WDPCP: variants seen among roughly 807,000 people sequenced by gnomAD.
The protein encoded by WDPCP is WD repeat containing planar cell polarity effector, also known as WD repeat-containing and planar cell polarity effector protein fritz homolog.
Under a neutral mutation model 93.1 loss-of-function variants are expected in WDPCP, and 71 were observed. The observed-to-expected ratio is 0.76, with a 90% CI of 0.63 to 0.93. The LOEUF is 0.93. WDPCP is among the 40% of genes least tolerant of loss of function. The pLI is 0.00. For missense variants in WDPCP, 844 were observed against 887.4 expected (o/e 0.95, Z 0.62); for synonymous variants, 315 against 315.0 (o/e 1.00, Z 0.00).
At chr2:63,190,278 C>T (rs937547906) in intron 14 of WDPCP, among the ~76,000 whole-genome samples, 16 of 151,538 alleles carry the variant, frequency 1.1e-4, no homozygotes, top group Admixed American at 1.1e-3. Context: ...AAAAGAAATA[C>T]AAAAACTAGC....
intron 17 of WDPCP, among the ~76,000 whole-genome samples, chr2:63,137,718 A>G (rs1306298358): frequency 1.3e-5 from 2 of 152,020 alleles, no homozygotes; most frequent in African/African-American, 2.4e-5. Flanking sequence ...ATCCATCTCG[A>G]GTTAATTTTT....
intron 3 of WDPCP, among the ~76,000 whole-genome samples, chr2:63,613,196 A>C (rs1709632786): frequency 6.6e-6 from 1 of 152,242 alleles, no homozygotes; most frequent in South Asian, 2.1e-4. Flanking sequence ...TAAGGGGGGA[A>C]AATCCCAAGA....
chr2:63,819,230 A>C (rs548888272), intron 1 of WDPCP, among the ~76,000 whole-genome samples: 10 of 152,318 alleles, frequency 6.6e-5, no homozygotes, highest in African/African-American at 2.4e-4. Flanking sequence ...TCTAAGCCTC[A>C]ATTTTTATCA....
At chr2:63,515,125 A>G (rs1702471074) in intron 1 of WDPCP, among the ~76,000 whole-genome samples, 1 of 152,178 alleles carries the variant, frequency 6.6e-6, no homozygotes, top group African/African-American at 2.4e-5. Context: ...ATTAGATGAT[A>G]TACATATTTT....
At chr2:63,477,307 T>C (rs942966430) in intron 6 of WDPCP, among the ~76,000 whole-genome samples, 1 of 152,124 alleles carries the variant, frequency 6.6e-6, no homozygotes, top group African/African-American at 2.4e-5. Context: ...TTAAACACTT[T>C]TAGTGAAATG....
intron 13 of WDPCP, among the ~76,000 whole-genome samples, chr2:63,295,381 G>T (rs936993102): frequency 6.6e-6 from 1 of 151,896 alleles, no homozygotes; most frequent in Non-Finnish European, 1.5e-5. Flanking sequence ...TCAACTATAC[G>T]CTGTAAGAGA....
intron 14 of WDPCP, among the ~76,000 whole-genome samples, chr2:63,228,210 T>C (rs1678455144): frequency 6.6e-6 from 1 of 151,994 alleles, no homozygotes; most frequent in Admixed American, 6.6e-5. Flanking sequence ...GCTCTTAAAT[T>C]AGCAAGTCAC....
Position 63,143,846 on chromosome 2 carries a change from G to C in WDPCP, c.2190+9068C>G, listed in dbSNP as rs192487248. On this transcript the variant is annotated intron_variant, in intron 17 of 17. Coordinates refer to ENST00000272321, the MANE Select transcript of WDPCP (RefSeq NM_015910.7). ...TAGGTTTTCCTTTATAGGTTACTTG[G>C]TTCTTCTGTCTTACAGGTTTTAAGA... 2.6e-5 allele frequency among the ~76,000 whole-genome samples: 4 copies of C among 152,248 alleles called. No individual in the cohort carries two copies. In the East Asian group the frequency reaches 7.7e-4, roughly 29 times the overall value.
At chr2:63,740,619 G>T (rs899684066) in intron 2 of WDPCP, among the ~76,000 whole-genome samples, 2 of 152,134 alleles carry the variant, frequency 1.3e-5, no homozygotes, top group Non-Finnish European at 2.9e-5. Context: ...GGAAGATAAT[G>T]ATTATTCTCT....
At chr2:63,588,812 A>T, upstream of WDPCP, 1 of 604,002 alleles carries the variant, frequency 1.7e-6, no homozygotes, top group Non-Finnish European at 2.9e-6. Flanking sequence ...GAAGAGCTTG[A>T]AAAAAACCTC....
At chr2:63,559,907 A>T (rs1706457414) in intron 1 of WDPCP, among the ~76,000 whole-genome samples, 1 of 152,194 alleles carries the variant, frequency 6.6e-6, no homozygotes, top group African/African-American at 2.4e-5. Flanking sequence ...TGCCATTGAC[A>T]TTCTTCACAG....
chr2:63,515,780 G>A (rs955817125), intron 1 of WDPCP, among the ~76,000 whole-genome samples: 1 of 152,296 alleles, frequency 6.6e-6, no homozygotes, highest in Admixed American at 6.5e-5. Context: ...AGCACTTCGG[G>A]AGGCCGAGGC....
At chr2:63,790,653 A>C (rs573572793) in intron 2 of WDPCP, among the ~76,000 whole-genome samples, 4 of 152,324 alleles carry the variant, frequency 2.6e-5, no homozygotes, top group South Asian at 4.1e-4. Context: ...TGATGAGGGA[A>C]GAAGGGAACT....
intron 12 of WDPCP, among the ~76,000 whole-genome samples, chr2:63,362,701 G>A (rs1299786251): frequency 1.3e-5 from 2 of 152,022 alleles, no homozygotes; most frequent in Admixed American, 1.3e-4. Context: ...GTCTCACTCT[G>A]TCACCCAGGC....
At chr2:63,765,511 T>C (rs1017329256) in intron 2 of WDPCP, among the ~76,000 whole-genome samples, 1 of 152,142 alleles carries the variant, frequency 6.6e-6, no homozygotes, top group Non-Finnish European at 1.5e-5. Context: ...GGGGTATGAA[T>C]TGAACTGGGG....
intron 6 of WDPCP, among the ~76,000 whole-genome samples, chr2:63,484,358 T>C (rs1159793833): frequency 6.6e-6 from 1 of 152,068 alleles, no homozygotes; most frequent in African/African-American, 2.4e-5. Flanking sequence ...AAAAATACAA[T>C]ATGAAAAGAT....
chr2:63,793,350 G>A (rs550480702), intron 2 of WDPCP, among the ~76,000 whole-genome samples: 10 of 152,310 alleles, frequency 6.6e-5, no homozygotes, highest in African/African-American at 2.4e-4. Flanking sequence ...GCTCACACCT[G>A]TAGTCACAAC....
At chr2:63,791,449 C>G (rs1287381241) in intron 2 of WDPCP, among the ~76,000 whole-genome samples, 2 of 152,146 alleles carry the variant, frequency 1.3e-5, no homozygotes, top group African/African-American at 4.8e-5. Flanking sequence ...TGGATCTTGT[C>G]TCCTAAAAGA....
intron 1 of WDPCP, among the ~76,000 whole-genome samples, chr2:63,823,334 C>T (rs749279176): frequency 1.3e-5 from 2 of 151,904 alleles, no homozygotes; most frequent in Non-Finnish European, 2.9e-5. Flanking sequence ...GGTGATACCC[C>T]GTCTCTACTA....
Sources: gnomAD v4.1 joint callset for allele counts (sites outside exome capture counted in the v4.1 genomes callset) on GRCh38, gnomAD v4.1.1 for gene constraint, MANE v1.5 for transcripts, NCBI Gene and HGNC (gene_info 2026-07-23, HGNC 2026-07-21) for gene names.